FRAS1: variants seen among roughly 807,000 people sequenced by gnomAD.
FRAS1 encodes extracellular matrix organizing protein FRAS1.
Under a neutral mutation model 435.2 loss-of-function variants are expected in FRAS1, and 290 were observed. The observed-to-expected ratio is 0.67, with a 90% CI of 0.61 to 0.73. FRAS1 has a LOEUF of 0.73. FRAS1 is among the 30% of genes least tolerant of loss of function. FRAS1 has a pLI of 0.00. For synonymous variants in FRAS1, 1,800 were observed against 1,851.0 expected (o/e 0.97, Z 0.71); for missense variants, 4,860 against 5,001.5 (o/e 0.97, Z 0.85).
At chr4:78,251,684 G>A (rs1266692991) in intron 4 of FRAS1, among the ~76,000 whole-genome samples, 1 of 152,218 alleles carries the variant, frequency 6.6e-6, no homozygotes, top group Non-Finnish European at 1.5e-5. Context: ...CACTGGTGAA[G>A]GGAATGTTGT....
At chr4:78,363,826 A>G in intron 21 of FRAS1, 82 bp from the exon 22 acceptor site, 1 of 1,503,344 alleles carries the variant, frequency 6.7e-7, no homozygotes, top group Non-Finnish European at 9.0e-7. Context: ...CAGTGTTGGG[A>G]CTTTATTACC....
intron 29 of FRAS1, 39 bp downstream of exon 29, chr4:78,387,740 A>C: frequency 1.5e-6 from 2 of 1,310,726 alleles, no homozygotes; most frequent in Non-Finnish European, 2.1e-6. Flanking sequence ...CTTTGCACCT[A>C]GATGTGAACT....
chr4:78,458,093 G>A (rs186036210), intron 47 of FRAS1, among the ~76,000 whole-genome samples: 2 of 152,306 alleles, frequency 1.3e-5, no homozygotes, highest in African/African-American at 4.8e-5. Flanking sequence ...CCTGGGCTTT[G>A]ACTCAGCCAC....
chr4:78,531,942 C>A (rs1721728667), intron 70 of FRAS1, among the ~76,000 whole-genome samples: 1 of 152,266 alleles, frequency 6.6e-6, no homozygotes, highest in Non-Finnish European at 1.5e-5. Flanking sequence ...TATTAAAAAT[C>A]CAATTATTTT....
chr4:78,525,033 A>C (rs1339135350), intron 69 of FRAS1, among the ~76,000 whole-genome samples: 1 of 152,174 alleles, frequency 6.6e-6, no homozygotes, highest in Non-Finnish European at 1.5e-5. Context: ...GAGAACAACA[A>C]GGAGGCCCAT....
At chr4:78,132,801 CAGTGGAGTGGGAGGGTTTCT>C (rs1479731760) in intron 2 of FRAS1, among the ~76,000 whole-genome samples, 1 of 152,126 alleles carries the variant, frequency 6.6e-6, no homozygotes, top group Non-Finnish European at 1.5e-5. Flanking sequence ...AAGGGCCACT[CAGTGGAGTGGGAGGGTTTCT>C]AGTGTGGTTT....
At chr4:78,510,451 T>A (rs896184537) in intron 63 of FRAS1, among the ~76,000 whole-genome samples, 3 of 152,236 alleles carry the variant, frequency 2.0e-5, no homozygotes, top group Non-Finnish European at 4.4e-5. Flanking sequence ...AAAAAAAGTT[T>A]AATGGAAAAA....
At chr4:78,313,260 C>G (rs1729105078) in intron 15 of FRAS1, among the ~76,000 whole-genome samples, 1 of 152,124 alleles carries the variant, frequency 6.6e-6, no homozygotes, top group Non-Finnish European at 1.5e-5. Flanking sequence ...GGGTGATTTT[C>G]TTTTTCCCTG....
chr4:78,156,997 C>A (rs542519283), intron 2 of FRAS1, among the ~76,000 whole-genome samples: 1 of 152,298 alleles, frequency 6.6e-6, no homozygotes, highest in East Asian at 1.9e-4. Context: ...GCCTTTGCAG[C>A]TTCACTCTTT....
chr4:78,145,968 G>A (rs1365286947), intron 2 of FRAS1, among the ~76,000 whole-genome samples: 2 of 152,110 alleles, frequency 1.3e-5, no homozygotes, highest in East Asian at 3.8e-4. Context: ...CGCCATAATT[G>A]TTAAGTTTCC....
At chr4:78,466,186 T>C in intron 49 of FRAS1, 22 bp from the exon 50 acceptor site, 1 of 1,606,628 alleles carries the variant, frequency 6.2e-7, no homozygotes, top group Non-Finnish European at 8.5e-7. Context: ...CCCTCCCCTC[T>C]GGTATTTTGC....
intron 23 of FRAS1, among the ~76,000 whole-genome samples, chr4:78,371,071 A>G (rs62309926): frequency 7.1e-6 from 1 of 140,284 alleles, no homozygotes; most frequent in African/African-American, 2.8e-5. Flanking sequence ...GAGACCACAG[A>G]ATTTTTTTTC....
intron 2 of FRAS1, among the ~76,000 whole-genome samples, chr4:78,170,106 G>A (rs1365030159): frequency 6.6e-6 from 1 of 152,056 alleles, no homozygotes. Flanking sequence ...GTCATTTTGA[G>A]CTTCCAAGAT....
chr4:78,122,829 T>A (rs1719108022), intron 2 of FRAS1, among the ~76,000 whole-genome samples: 1 of 152,216 alleles, frequency 6.6e-6, no homozygotes, highest in Non-Finnish European at 1.5e-5. Context: ...AGTTGTTTGC[T>A]TTTTTCTTGT....
intron 2 of FRAS1, among the ~76,000 whole-genome samples, chr4:78,129,601 A>G (rs895917506): frequency 6.6e-6 from 1 of 152,134 alleles, no homozygotes; most frequent in African/African-American, 2.4e-5. Context: ...AGACTTGCAC[A>G]TGCACAGAAC....
At chr4:78,115,743 G>A (rs1419045929) in intron 2 of FRAS1, among the ~76,000 whole-genome samples, 1 of 151,734 alleles carries the variant, frequency 6.6e-6, no homozygotes, top group Admixed American at 6.6e-5. Flanking sequence ...AGTCTTGATA[G>A]TGGTCTATCA....
At chr4:78,306,692 G>A (rs1368987463) in intron 14 of FRAS1, among the ~76,000 whole-genome samples, 9 of 149,538 alleles carry the variant, frequency 6.0e-5, no homozygotes, top group African/African-American at 2.2e-4. Context: ...CGTAGTTCTC[G>A]AGCCTTGGTT....
chr4:78,334,496 G>A (rs963318004), intron 19 of FRAS1, among the ~76,000 whole-genome samples: 6 of 145,158 alleles, frequency 4.1e-5, no homozygotes, highest in Non-Finnish European at 7.5e-5. Flanking sequence ...TCAGCCTCCC[G>A]AGTAGCTGGG....
intron 45 of FRAS1, 191 bp downstream of exon 45, chr4:78,450,530 T>C: frequency 1.7e-6 from 1 of 575,384 alleles, no homozygotes; most frequent in Non-Finnish European, 3.1e-6. Context: ...TCTTTCTTGG[T>C]TGAAATGTGT....
Sources: allele counts gnomAD v4.1 joint callset (sites outside exome capture counted in the v4.1 genomes callset), GRCh38; gene constraint gnomAD v4.1.1; transcripts MANE v1.5; gene names NCBI Gene and HGNC (gene_info 2026-07-23, HGNC 2026-07-21).